DNAJC7: variants seen among roughly 807,000 people sequenced by gnomAD.
DNAJC7 encodes DnaJ heat shock protein family (Hsp40) member C7.
Under a neutral mutation model 67.4 loss-of-function variants are expected in DNAJC7, and 18 were observed. That is an observed-to-expected ratio of 0.27 (90% confidence interval 0.18 to 0.40). The LOEUF (loss-of-function observed/expected upper bound fraction) is 0.40, where lower values mean the gene tolerates loss of function less well. Among genes scored for constraint, DNAJC7 ranks in the 10% least tolerant of loss-of-function variants. The probability of loss-of-function intolerance (pLI) is 1.00; values close to 1 mark genes in which losing one functional copy is unlikely to be tolerated. For synonymous variants in DNAJC7, 220 were observed against 207.8 expected, an observed-to-expected ratio of 1.06 and a Z score of -0.50; for missense variants, 419 against 613.8, an observed-to-expected ratio of 0.68 and a Z score of 3.35.
Position 42,012,539 on chromosome 17 carries a change from G to C in DNAJC7, c.77+4801C>G, listed in dbSNP as rs186586811. Among the ~76,000 whole-genome samples, 9 of 152,292 alleles carry C rather than the reference G, an allele frequency of 5.9e-5. No homozygotes were observed. In the East Asian group the frequency reaches 1.7e-3, roughly 29 times the overall value. The stretch of plus-strand genomic sequence containing the variant: ...TTTACCATAAGAAAGACTCCCTATA[G>C]AGATCAAGCTGTTTCCCAGCCCAGG... On this transcript the variant is annotated intron_variant, in intron 1 of 13. Transcript: ENST00000457167.
At chr17:41,996,860 G>A (rs2051673312) in intron 3 of DNAJC7, among the ~76,000 whole-genome samples, 1 of 152,186 alleles carries the variant, frequency 6.6e-6, no homozygotes, top group Admixed American at 6.6e-5. Flanking sequence ...CCTGGGCAAT[G>A]TGCCCTCCAG....
chr17:41,979,705 G>GT (rs1555645651), intron 12 of DNAJC7, among the ~76,000 whole-genome samples: 1 of 143,502 alleles, frequency 7.0e-6, no homozygotes, highest in African/African-American at 2.5e-5. Flanking sequence ...GCTCACGCCT[G>GT]TAATTCCAGC....
chr17:41,995,249 A>C (rs2051624251), intron 4 of DNAJC7, among the ~76,000 whole-genome samples: 1 of 152,206 alleles, frequency 6.6e-6, no homozygotes, highest in South Asian at 2.1e-4. Flanking sequence ...ACATTTCACA[A>C]ATCAAATTGA....
rs1282408579 is a variant in DNAJC7 at position 41,982,365 on chromosome 17, A to T, written c.1121T>A (p.Leu374Gln). 3.7e-6 allele frequency: 6 copies of T among 1,613,964 alleles called. No homozygotes were observed. The South Asian group carries it at 6.6e-5, about 18-fold the overall frequency. The part of the protein sequence containing the change: ...KQLLKNAQLE[L>Q]KKSKRKDYYK... The stretch of plus-strand genomic sequence containing the variant: ...GTAATCTTTCCTCTTACTCTTCTTC[A>T]GTTCCAGCTGCGCATTTTTTAGGAG... The change falls in exon 11 of 14, where the codon CTG becomes CAG. Residue 374 changes from leucine to glutamine, a missense_variant. This residue lies in a region of DNAJC7 where 161 missense variants were observed against 252.2 expected (regional missense o/e 0.64). Transcript: ENST00000457167.
At chr17:42,017,004 AG>A (rs2143400799) in intron 1 of DNAJC7, 1 of 1,288,840 alleles carries the variant, frequency 7.8e-7, no homozygotes, top group Admixed American at 3.5e-5. Flanking sequence ...GGGCGATGTA[AG>A]GAAGTCGTCA....
At chr17:41,982,525 T>G in intron 10 of DNAJC7, 124 bp from the exon 11 acceptor site, 1 of 1,269,176 alleles carries the variant, frequency 7.9e-7, no homozygotes, top group Admixed American at 2.4e-5. Context: ...TACGGTGCTT[T>G]CTTCTGGAGA....
chr17:41,978,389 G>A (rs1221308590), intron 12 of DNAJC7, among the ~76,000 whole-genome samples: 6 of 152,172 alleles, frequency 3.9e-5, no homozygotes, highest in African/African-American at 1.4e-4. Flanking sequence ...CATCTGAATA[G>A]CAACCAACTC....
intron 9 of DNAJC7, 25 bp from the exon 10 acceptor site, chr17:41,983,661 C>G (rs782552563): frequency 1.3e-6 from 2 of 1,586,034 alleles, no homozygotes; most frequent in Non-Finnish European, 1.7e-6. Flanking sequence ...CAAGGCAATA[C>G]AGCACTAAGA....
chr17:42,007,255 A>AT (rs1481900319), intron 1 of DNAJC7, among the ~76,000 whole-genome samples: 11 of 151,820 alleles, frequency 7.2e-5, no homozygotes, highest in Non-Finnish European at 1.5e-5. Context: ...GTTGTGCTCC[A>AT]TTTATTTTAT....
chr17:41,990,362 A>T lies in DNAJC7; in HGVS notation c.501T>A (p.Arg167=). The T allele has an allele frequency of 6.2e-7, 1 of 1,609,866 alleles. No individual in the cohort carries two copies. Among genetic ancestry groups the T allele is most frequent in the East Asian group, 2.2e-5 (1 of 44,862 alleles). ...GGCAGGCAGGGGCAAATTCTAGGGC[A>T]CGGTCCATGCAGAAAACAACCTGTA... ...DFRKVVFCMD[R]ALEFAPACHR... Residue 167 remains arginine, a synonymous_variant, in exon 6 of 14, where the codon CGT becomes CGA. Transcript: ENST00000457167.
intron 10 of DNAJC7, among the ~76,000 whole-genome samples, chr17:41,982,974 G>T (rs200691362): frequency 6.9e-6 from 1 of 145,048 alleles, no homozygotes; most frequent in Non-Finnish European, 1.5e-5. Context: ...AAAAAAAAAA[G>T]AAAAAGAAAA....
intron 2 of DNAJC7, 113 bp from the exon 3 acceptor site, chr17:41,997,352 G>A (rs2051689592): frequency 1.5e-6 from 2 of 1,367,122 alleles, no homozygotes; most frequent in Non-Finnish European, 2.0e-6. Flanking sequence ...ACTTTGGGAG[G>A]CCAAGAGGGG....
chr17:42,010,627 A>G (rs994965247), intron 1 of DNAJC7, among the ~76,000 whole-genome samples: 2 of 152,096 alleles, frequency 1.3e-5, no homozygotes, highest in Admixed American at 1.3e-4. Context: ...TTGGTTCCTT[A>G]GTTCAACAGG....
intron 1 of DNAJC7, chr17:42,016,982 C>T (rs2052315758): frequency 8.0e-7 from 1 of 1,243,574 alleles, no homozygotes; most frequent in South Asian, 1.6e-5. Context: ...AACAAGAGAA[C>T]GCGGGGGTCG....
intron 4 of DNAJC7, among the ~76,000 whole-genome samples, chr17:41,995,588 C>T (rs374753279): frequency 3.9e-5 from 6 of 152,160 alleles, no homozygotes; most frequent in African/African-American, 9.7e-5. Context: ...GACAGTAACA[C>T]GCTATACAGG....
At chr17:41,991,507 G>A (rs1463218257) in intron 5 of DNAJC7, among the ~76,000 whole-genome samples, 3 of 151,858 alleles carry the variant, frequency 2.0e-5, no homozygotes, top group African/African-American at 7.3e-5. Flanking sequence ...TACCTTTCAC[G>A]CTAAATAAAG....
At chr17:42,007,801 A>G (rs2052006381) in intron 1 of DNAJC7, among the ~76,000 whole-genome samples, 1 of 148,852 alleles carries the variant, frequency 6.7e-6, no homozygotes, top group South Asian at 2.1e-4. Context: ...AAGATTACAC[A>G]CATGATGAGC....
intron 1 of DNAJC7, among the ~76,000 whole-genome samples, chr17:42,007,797 A>T (rs578211742): frequency 2.0e-5 from 3 of 147,538 alleles, no homozygotes; most frequent in Non-Finnish European, 4.4e-5. Flanking sequence ...TGCTAAGATT[A>T]CACACATGAT....
intron 2 of DNAJC7, among the ~76,000 whole-genome samples, chr17:41,998,702 G>A (rs559617198): frequency 2.6e-5 from 4 of 152,186 alleles, no homozygotes; most frequent in Non-Finnish European, 4.4e-5. Context: ...ATGCTGACAC[G>A]GGATTAAAGT....
Sources: gnomAD v4.1 joint callset for allele counts (sites outside exome capture counted in the v4.1 genomes callset) on GRCh38, gnomAD v4.1.1 for gene constraint, gnomAD v4.1.1 regional missense constraint, MANE v1.5 for transcripts, NCBI Gene and HGNC (gene_info 2026-07-23, HGNC 2026-07-21) for gene names.